The following CTNND2 variants were observed in gnomAD, a reference collection of about 807,000 sequenced individuals.
CTNND2 encodes catenin delta 2.
Under a neutral mutation model 144.4 loss-of-function variants are expected in CTNND2, and 22 were observed. That is an observed-to-expected ratio of 0.15 (90% CI 0.11 to 0.22). CTNND2 has a LOEUF of 0.22. Ranked by LOEUF, CTNND2 falls within the 10% of genes least tolerant of loss-of-function variation. The pLI is 1.00. For missense variants in CTNND2, 1,353 were observed against 1,618.8 expected, an observed-to-expected ratio of 0.84 and a Z score of 2.82; for synonymous variants, 751 against 695.6, an observed-to-expected ratio of 1.08 and a Z score of -1.25.
At chr5:11,088,933 G>A (rs1248174784) in intron 15 of CTNND2, among the ~76,000 whole-genome samples, 1 of 152,188 alleles carries the variant, frequency 6.6e-6, no homozygotes, top group Non-Finnish European at 1.5e-5. Context: ...AGACATCTGT[G>A]TACTAGAGGC....
chr5:11,787,317 A>G (rs1412658245), intron 1 of CTNND2, among the ~76,000 whole-genome samples: 1 of 152,182 alleles, frequency 6.6e-6, no homozygotes, highest in Non-Finnish European at 1.5e-5. Flanking sequence ...TATGTTAACA[A>G]CTCGGCAAGA....
At chr5:11,320,693 T>C (rs986030691) in intron 9 of CTNND2, among the ~76,000 whole-genome samples, 4 of 151,988 alleles carry the variant, frequency 2.6e-5, no homozygotes, top group African/African-American at 9.7e-5. Flanking sequence ...AACCATCAGA[T>C]CCCATTCACT....
intron 2 of CTNND2, among the ~76,000 whole-genome samples, chr5:11,724,693 C>T (rs1281732809): frequency 1.3e-5 from 2 of 152,108 alleles, no homozygotes; most frequent in African/African-American, 4.8e-5. Context: ...GAAGATACGG[C>T]AGTGTCAAAA....
chr5:11,290,275 C>G (rs1261047967), intron 9 of CTNND2, among the ~76,000 whole-genome samples: 2 of 152,156 alleles, frequency 1.3e-5, no homozygotes, highest in Admixed American at 6.5e-5. Flanking sequence ...AGGTTATAAA[C>G]CCTGTGAGAA....
At chr5:11,023,855 C>T (rs376192446) in intron 16 of CTNND2, among the ~76,000 whole-genome samples, 6 of 152,198 alleles carry the variant, frequency 3.9e-5, no homozygotes, top group African/African-American at 1.4e-4. Flanking sequence ...CCCTGCAAGA[C>T]AATTAATTTA....
At chr5:11,264,685 T>A (rs1745261802) in intron 9 of CTNND2, among the ~76,000 whole-genome samples, 1 of 152,162 alleles carries the variant, frequency 6.6e-6, no homozygotes, top group Non-Finnish European at 1.5e-5. Context: ...ATACCAGCAC[T>A]TTGGGAGGGC....
chr5:11,069,097 G>A (rs1747947666), intron 16 of CTNND2, among the ~76,000 whole-genome samples: 1 of 152,170 alleles, frequency 6.6e-6, no homozygotes. Context: ...TACAATGCTA[G>A]GCATATTGGG....
chr5:11,843,683 G>A lies in CTNND2; in HGVS notation c.37+60134C>T, dbSNP rs144645734. ...TTACAAGTTAAAGCTACAATAATGC[G>A]ACTTATATTTCACTAGTTCCACATA... On this transcript the variant is annotated intron_variant, in intron 1 of 21. Coordinates refer to ENST00000304623, the MANE Select transcript of CTNND2 (RefSeq NM_001332.4). Among the ~76,000 whole-genome samples, 16 of 152,102 alleles carry A rather than the reference G, an allele frequency of 1.1e-4. No homozygotes were observed. In the East Asian group the frequency reaches 1.2e-3, roughly 11 times the overall value.
At chr5:11,723,917 G>A (rs778046095) in intron 2 of CTNND2, among the ~76,000 whole-genome samples, 1 of 152,060 alleles carries the variant, frequency 6.6e-6, no homozygotes. Context: ...TTAGCCGGGC[G>A]TAGTGGCGGG....
At chr5:11,013,400 T>C (rs1212373263) in intron 18 of CTNND2, among the ~76,000 whole-genome samples, 3 of 152,262 alleles carry the variant, frequency 2.0e-5, no homozygotes, top group Admixed American at 6.5e-5. Flanking sequence ...CTCTTGTTAC[T>C]ATAATTTGTC....
chr5:11,875,600 T>C (rs1338665531), intron 1 of CTNND2, among the ~76,000 whole-genome samples: 1 of 152,104 alleles, frequency 6.6e-6, no homozygotes, highest in Non-Finnish European at 1.5e-5. Context: ...TTACCGTCCG[T>C]ATAGCAGGGG....
At position 11,067,528 on chromosome 5, in the gene CTNND2, C is replaced by T. The variant is rs542112002; in HGVS notation, c.2788+15168G>A. On this transcript the variant is annotated intron_variant, in intron 16 of 21. Transcript: ENST00000304623. The stretch of plus-strand genomic sequence containing the variant: ...CAGGTTCTTAGGTCCCAGAGGTTAG[C>T]CAAGACTGGAGCTGGGAAAAGGTGC... Among the ~76,000 whole-genome samples the T allele has an allele frequency of 1.0e-3, 155 of 152,250 alleles. 1 individual carries two copies. The highest frequency in any genetic ancestry group is 3.4e-3 in the African/African-American group (142 of 41,532).
intron 3 of CTNND2, among the ~76,000 whole-genome samples, chr5:11,481,693 G>GAA (rs977612846): frequency 6.6e-6 from 1 of 151,872 alleles, no homozygotes; most frequent in Non-Finnish European, 1.5e-5. Context: ...GAGAGAGAGA[G>GAA]AACCTAAAAG....
At chr5:11,277,548 T>C (rs1262505700) in intron 9 of CTNND2, among the ~76,000 whole-genome samples, 1 of 143,900 alleles carries the variant, frequency 6.9e-6, no homozygotes, top group Non-Finnish European at 1.5e-5. Flanking sequence ...ATTTATTTAT[T>C]TTTGAGATGG....
Position 11,862,929 on chromosome 5 carries a change from A to G in CTNND2, c.37+40888T>C, listed in dbSNP as rs1425776276. ...ATAAACAGTTTTCTGTATCCCATTC[A>G]AGAGAAAAATTCGGGCTAACATGAA... On this transcript the variant is annotated intron_variant, in intron 1 of 21. Transcript: ENST00000304623. Among the ~76,000 whole-genome samples the G allele has an allele frequency of 2.0e-5, 3 of 152,202 alleles. No homozygotes were observed. The East Asian group carries it at 5.8e-4, about 29-fold the overall frequency.
At chr5:11,875,320 G>A (rs1735481250) in intron 1 of CTNND2, among the ~76,000 whole-genome samples, 1 of 152,068 alleles carries the variant, frequency 6.6e-6, no homozygotes, top group African/African-American at 2.4e-5. Flanking sequence ...TTGAATTTTT[G>A]TAAGAACACT....
chr5:11,470,974 ATATATATTTTT>A (rs1369716319), intron 3 of CTNND2, among the ~76,000 whole-genome samples: 5 of 98,094 alleles, frequency 5.1e-5, no homozygotes, highest in African/African-American at 2.0e-4. Flanking sequence ...ATATATATAT[ATATATATTTTT>A]TTTTTTTTTT....
At chr5:11,026,887 A>C (rs747780570) in intron 16 of CTNND2, among the ~76,000 whole-genome samples, 31 of 152,200 alleles carry the variant, frequency 2.0e-4, no homozygotes, top group Non-Finnish European at 4.0e-4. Flanking sequence ...TAATGCAGGG[A>C]AACAGGATTC....
rs115359860 is a variant in CTNND2, at chr5:11,750,914, A to G, written c.38-18642T>C. Among the ~76,000 whole-genome samples the G allele has an allele frequency of 5.5e-3, 840 of 151,982 alleles. 10 individuals are homozygous for G. The highest frequency in any genetic ancestry group is 0.019 in the African/African-American group (801 of 41,532). ...AACTATGACTATGAATACTCATACA[A>G]CATTGTGATATATGGTTTAAGCAAT... On this transcript the variant is annotated intron_variant, in intron 1 of 21. Coordinates refer to ENST00000304623, the MANE Select transcript of CTNND2 (RefSeq NM_001332.4).
Sources: gnomAD v4.1 joint callset for allele counts (sites outside exome capture counted in the v4.1 genomes callset) on GRCh38, gnomAD v4.1.1 for gene constraint, MANE v1.5 for transcripts, NCBI Gene and HGNC (gene_info 2026-07-23, HGNC 2026-07-21) for gene names.